The following KANSL3 variants were observed in gnomAD, a reference collection of about 807,000 sequenced individuals.
KANSL3 encodes the protein NSL complex protein NSL3.
KANSL3 carries 16 observed loss-of-function variants against 89.2 expected under a neutral mutation model. The ratio of observed to expected loss-of-function variants is 0.18; its 90% CI spans 0.12 to 0.27. The LOEUF (loss-of-function observed/expected upper bound fraction) is 0.27, where lower values mean the gene tolerates loss of function less well. Among genes scored for constraint, KANSL3 ranks in the 10% least tolerant of loss-of-function variants. The probability of loss-of-function intolerance (pLI) is 1.00; values close to 1 mark genes in which losing one functional copy is unlikely to be tolerated. For missense variants in KANSL3, 879 were observed against 1,110.6 expected (o/e 0.79, Z 2.96); for synonymous variants, 385 against 419.7 (o/e 0.92, Z 1.01).
chr2:96,602,958 C>T, intron 17 of KANSL3, 96 bp from the exon 18 acceptor site: 1 of 1,140,142 alleles, frequency 8.8e-7, no homozygotes, highest in Non-Finnish European at 1.3e-6. Context: ...AACTAAAACA[C>T]CAGTGGTGCT....
intron 20 of KANSL3, among the ~76,000 whole-genome samples, chr2:96,599,014 A>G (rs2066833395): frequency 6.6e-6 from 1 of 152,186 alleles, no homozygotes; most frequent in Non-Finnish European, 1.5e-5. Flanking sequence ...GAGAAAGGAA[A>G]AGAATGAAGA....
At chr2:96,628,680 T>C (rs1213553982) in intron 3 of KANSL3, 1 of 152,436 alleles carries the variant, frequency 6.6e-6, no homozygotes, top group African/African-American at 2.4e-5. Context: ...AGAAACAAAC[T>C]GGTATTTATA....
intron 6 of KANSL3, among the ~76,000 whole-genome samples, chr2:96,613,141 G>A (rs2069323023): frequency 6.6e-6 from 1 of 152,220 alleles, no homozygotes; most frequent in Non-Finnish European, 1.5e-5. Flanking sequence ...CACTTTGGGA[G>A]GCCAAGGCAA....
intron 3 of KANSL3, among the ~76,000 whole-genome samples, chr2:96,620,232 A>C (rs2070998737): frequency 6.6e-6 from 1 of 152,228 alleles, no homozygotes; most frequent in South Asian, 2.1e-4. Context: ...TTCTATTTAA[A>C]CTAGGCTTAA....
intron 11 of KANSL3, 106 bp downstream of exon 11, chr2:96,610,620 T>G: frequency 7.4e-7 from 1 of 1,350,210 alleles, no homozygotes; most frequent in Non-Finnish European, 1.0e-6. Flanking sequence ...CGGCTAATGC[T>G]GTCTTTTAAC....
At chr2:96,630,143 C>G (rs530095682) in intron 3 of KANSL3, among the ~76,000 whole-genome samples, 1 of 152,148 alleles carries the variant, frequency 6.6e-6, no homozygotes. Flanking sequence ...ACAGAGTTAT[C>G]ATATGACCCA....
intron 3 of KANSL3, among the ~76,000 whole-genome samples, chr2:96,630,941 A>G (rs2073278995): frequency 6.6e-6 from 1 of 152,246 alleles, no homozygotes; most frequent in South Asian, 2.1e-4. Context: ...TAAACACAAT[A>G]TCTTACAAAT....
At chr2:96,597,106 T>C (rs1416185789) in intron 20 of KANSL3, among the ~76,000 whole-genome samples, 1 of 152,204 alleles carries the variant, frequency 6.6e-6, no homozygotes, top group East Asian at 1.9e-4. Flanking sequence ...ATTCATTCCA[T>C]CCAAAAATAT....
In KANSL3 at chr2:96,594,057, C is replaced by G. The variant is rs374499221; in HGVS notation, c.*1554G>C. On this transcript the variant is annotated 3_prime_UTR_variant, in exon 21 of 21. Transcript: ENST00000431828. ...TCTCCTATCACACACATCCCCCCTG[C>G]CCACAGTACCCTGACCTACCTTGCC... 1 of 152,170 alleles carries G rather than the reference C, an allele frequency of 6.6e-6. No individual in the cohort carries two copies. Among genetic ancestry groups the G allele is most frequent in the African/African-American group, 2.4e-5 (1 of 41,352 alleles). 9.4% of individuals were successfully genotyped at this position (152,170 alleles called of 1,614,324 possible).
chr2:96,593,349 C>T lies in KANSL3; in HGVS notation c.*2262G>A, dbSNP rs1389175988. ...ATCTCCATAGGGCATCAACATGCATCTGTCATCCAAGAATCTAAGAACTTC... is the reference window on the plus strand; with the variant it reads ...ATCTCCATAGGGCATCAACATGCATTTGTCATCCAAGAATCTAAGAACTTC... On this transcript the variant is annotated 3_prime_UTR_variant, in exon 21 of 21. Coordinates refer to ENST00000431828, the MANE Select transcript of KANSL3 (RefSeq NM_001115016.3). 2.2e-6 allele frequency: 1 copy of T among 455,586 alleles called. No individual in the cohort carries two copies. The highest frequency in any genetic ancestry group is 4.4e-6 in the Non-Finnish European group (1 of 226,650). 28.2% of individuals were successfully genotyped at this position (455,586 alleles called of 1,614,324 possible).
In KANSL3 at chr2:96,633,326, T is replaced by C. The variant is rs117083733; in HGVS notation, c.216-1844A>G. Among the ~76,000 whole-genome samples, 846 of 152,078 alleles carry C rather than the reference T, an allele frequency of 5.6e-3. 25 individuals are homozygous for C. In the East Asian group the frequency reaches 0.082, roughly 15 times the overall value. On this transcript the variant is annotated intron_variant, in intron 2 of 20. Coordinates refer to ENST00000431828, the MANE Select transcript of KANSL3 (RefSeq NM_001115016.3). Reference sequence around the variant, plus strand: ...GGCTCGCGCCTGTAAACCCAACATTTTGGGAGGCCAAGGCGGGTGGATCAC... The same window carrying C: ...GGCTCGCGCCTGTAAACCCAACATTCTGGGAGGCCAAGGCGGGTGGATCAC...
chr2:96,635,902 G>A (rs1351646803), intron 2 of KANSL3, among the ~76,000 whole-genome samples: 2 of 151,912 alleles, frequency 1.3e-5, no homozygotes, highest in Non-Finnish European at 2.9e-5. Context: ...GCTGAGGCAG[G>A]AGAATCGCTC....
chr2:96,600,149 C>T (rs1412130127), intron 20 of KANSL3, among the ~76,000 whole-genome samples: 4 of 152,194 alleles, frequency 2.6e-5, no homozygotes, highest in Non-Finnish European at 4.4e-5. Context: ...GACAGGGAAA[C>T]GTGTCACGAC....
chr2:96,598,059 A>G, intron 20 of KANSL3: 3 of 980,748 alleles, frequency 3.1e-6, no homozygotes, highest in Non-Finnish European at 3.6e-6. Flanking sequence ...GGCCCAGGCC[A>G]TGGCAAGCTG....
At chr2:96,612,970 TGA>T in intron 6 of KANSL3, 36 bp from the exon 7 acceptor site, 1 of 1,371,536 alleles carries the variant, frequency 7.3e-7, no homozygotes, top group Non-Finnish European at 1.0e-6. Flanking sequence ...AACCAGTGAG[TGA>T]GAAGTGTCCT....
At chr2:96,632,612 G>T (rs978820351) in intron 2 of KANSL3, among the ~76,000 whole-genome samples, 40 of 152,158 alleles carry the variant, frequency 2.6e-4, no homozygotes, top group Non-Finnish European at 5.1e-4. Context: ...ACTGAGATGG[G>T]CCAGAAATCA....
intron 1 of KANSL3, 198 bp downstream of exon 1, chr2:96,638,085 A>T (rs1289358442): frequency 6.6e-6 from 1 of 150,592 alleles, no homozygotes; most frequent in African/African-American, 2.5e-5. Flanking sequence ...CGTCCGCGTC[A>T]CGGAGGCCCA....
At chr2:96,604,173 T>A in intron 17 of KANSL3, 77 bp downstream of exon 17, 1 of 1,476,626 alleles carries the variant, frequency 6.8e-7, no homozygotes, top group Non-Finnish European at 9.0e-7. Flanking sequence ...GCTCCAGGGA[T>A]GCTTTCCCAG....
chr2:96,627,434 C>CA (rs1219465417), intron 3 of KANSL3, among the ~76,000 whole-genome samples: 9 of 152,142 alleles, frequency 5.9e-5, no homozygotes, highest in Admixed American at 4.6e-4. Flanking sequence ...AGGCTGGTCT[C>CA]AAACTCCTCA....
Sources: gnomAD v4.1 joint callset for allele counts (sites outside exome capture counted in the v4.1 genomes callset) on GRCh38, gnomAD v4.1.1 for gene constraint, MANE v1.5 for transcripts, NCBI Gene and HGNC (gene_info 2026-07-23, HGNC 2026-07-21) for gene names.